ITGA8: variants seen among roughly 807,000 people sequenced by gnomAD.
ITGA8 encodes the protein integrin alpha-8.
A neutral mutation model predicts 142.3 loss-of-function variants in ITGA8; 91 were observed. That is an observed-to-expected ratio of 0.64 (90% CI 0.54 to 0.76). ITGA8 has a LOEUF of 0.76. Ranked by LOEUF, ITGA8 falls within the 30% of genes least tolerant of loss-of-function variation. The pLI is 0.00. For synonymous variants in ITGA8, 505 were observed against 485.2 expected (o/e 1.04, Z -0.54); for missense variants, 1,406 against 1,327.7 (o/e 1.06, Z -0.92).
chr10:15,693,691 T>G (rs1302103908), intron 2 of ITGA8, among the ~76,000 whole-genome samples: 1 of 152,198 alleles, frequency 6.6e-6, no homozygotes, highest in Non-Finnish European at 1.5e-5. Flanking sequence ...GGGCAATTCA[T>G]TTAATCTTTT....
intron 8 of ITGA8, among the ~76,000 whole-genome samples, chr10:15,668,561 T>G (rs915655319): frequency 1.6e-4 from 25 of 152,218 alleles, no homozygotes; most frequent in Admixed American, 1.4e-3. Context: ...ATCCTGTCAT[T>G]ATGATGTTAG....
At chr10:15,706,976 G>C (rs1416244606) in intron 2 of ITGA8, among the ~76,000 whole-genome samples, 1 of 152,082 alleles carries the variant, frequency 6.6e-6, no homozygotes, top group East Asian at 1.9e-4. Context: ...CACATCTCCA[G>C]ACTCTAACAC....
intron 25 of ITGA8, among the ~76,000 whole-genome samples, chr10:15,568,871 C>T (rs1000152127): frequency 9.9e-5 from 15 of 152,130 alleles, no homozygotes; most frequent in Admixed American, 6.6e-4. Flanking sequence ...AGGTGGAAAT[C>T]GATTTAACTG....
chr10:15,679,178 T>C (rs1467837724), intron 4 of ITGA8, among the ~76,000 whole-genome samples: 1 of 152,224 alleles, frequency 6.6e-6, no homozygotes, highest in Middle Eastern at 3.2e-3. Flanking sequence ...TTCCCAAAAG[T>C]TGACACCTTG....
intron 2 of ITGA8, among the ~76,000 whole-genome samples, chr10:15,707,792 C>T (rs956415721): frequency 2.0e-5 from 3 of 149,780 alleles, no homozygotes; most frequent in East Asian, 2.0e-4. Flanking sequence ...CACTACACTC[C>T]GGCCTCGGTG....
chr10:15,608,332 A>G, intron 15 of ITGA8, 42 bp from the exon 16 acceptor site: 3 of 1,307,992 alleles, frequency 2.3e-6, no homozygotes, highest in Non-Finnish European at 3.2e-6. Flanking sequence ...TAAAGTTTTG[A>G]ATCTAAAGTA....
At chr10:15,569,973 C>G (rs1489169825) in intron 25 of ITGA8, among the ~76,000 whole-genome samples, 1 of 152,160 alleles carries the variant, frequency 6.6e-6, no homozygotes, top group East Asian at 1.9e-4. Flanking sequence ...TTCCAGTACT[C>G]TCAATTATTT....
At chr10:15,545,606 G>A (rs1833653939) in intron 27 of ITGA8, among the ~76,000 whole-genome samples, 2 of 151,984 alleles carry the variant, frequency 1.3e-5, no homozygotes, top group Non-Finnish European at 2.9e-5. Flanking sequence ...ACCCTAAGAG[G>A]CTACTACTCT....
intron 4 of ITGA8, among the ~76,000 whole-genome samples, chr10:15,681,981 C>A (rs1039345794): frequency 3.9e-5 from 6 of 152,098 alleles, no homozygotes; most frequent in African/African-American, 1.2e-4. Flanking sequence ...CTTAATAAAC[C>A]CAAGAGCACA....
intron 14 of ITGA8, among the ~76,000 whole-genome samples, 183 bp from the exon 15 acceptor site, chr10:15,613,950 C>T (rs1240163555): frequency 6.6e-6 from 1 of 152,176 alleles, no homozygotes; most frequent in East Asian, 1.9e-4. Context: ...TCACACTCAA[C>T]TAATTACCTC....
At chr10:15,698,962 G>T (rs923040103) in intron 2 of ITGA8, among the ~76,000 whole-genome samples, 3 of 152,028 alleles carry the variant, frequency 2.0e-5, no homozygotes, top group African/African-American at 7.2e-5. Flanking sequence ...TTGCTTTTGG[G>T]TTCTTGATTA....
chr10:15,700,522 A>T (rs1835142468), intron 2 of ITGA8, among the ~76,000 whole-genome samples: 1 of 152,176 alleles, frequency 6.6e-6, no homozygotes, highest in African/African-American at 2.4e-5. Context: ...TGCAAATAAG[A>T]TGTCGCATGC....
chr10:15,620,166 G>C (rs1833462795), intron 13 of ITGA8, among the ~76,000 whole-genome samples: 1 of 152,218 alleles, frequency 6.6e-6, no homozygotes. Context: ...ATAAATGCCT[G>C]ATTAAATAGG....
chr10:15,577,928 G>A (rs191748005), intron 23 of ITGA8, among the ~76,000 whole-genome samples: 1 of 152,140 alleles, frequency 6.6e-6, no homozygotes, highest in Admixed American at 6.5e-5. Context: ...ATGAATTTTG[G>A]GAGAAGCAAG....
chr10:15,602,737 C>CAAAA (rs10667953), intron 20 of ITGA8, among the ~76,000 whole-genome samples: 2 of 148,868 alleles, frequency 1.3e-5, no homozygotes, highest in Admixed American at 6.7e-5. Flanking sequence ...GACCCTGTCT[C>CAAAA]AAAAAAAAAA....
chr10:15,683,879 AC>A (rs1834787181), intron 4 of ITGA8, 124 bp downstream of exon 4: 1 of 1,055,734 alleles, frequency 9.5e-7, no homozygotes, highest in East Asian at 2.4e-5. Flanking sequence ...ATCTTTACCT[AC>A]CCCCGAAGCT....
intron 2 of ITGA8, among the ~76,000 whole-genome samples, chr10:15,693,222 A>C (rs867407827): frequency 6.6e-6 from 1 of 152,204 alleles, no homozygotes; most frequent in South Asian, 2.1e-4. Flanking sequence ...CATTTGTACT[A>C]AGGGCATCTT....
chr10:15,668,003 G>A (rs1252978400), intron 8 of ITGA8, among the ~76,000 whole-genome samples: 2 of 152,200 alleles, frequency 1.3e-5, no homozygotes, highest in South Asian at 2.1e-4. Context: ...CTGTTGATTT[G>A]GGGTGGAGAG....
intron 2 of ITGA8, among the ~76,000 whole-genome samples, chr10:15,697,812 T>C (rs1419729092): frequency 6.6e-6 from 1 of 152,218 alleles, no homozygotes; most frequent in Non-Finnish European, 1.5e-5. Flanking sequence ...ACACAGATGG[T>C]GGGCCAGTTT....
Sources: allele counts gnomAD v4.1 joint callset (sites outside exome capture counted in the v4.1 genomes callset), GRCh38; gene constraint gnomAD v4.1.1; transcripts MANE v1.5; gene names NCBI Gene and HGNC (gene_info 2026-07-23, HGNC 2026-07-21).